PRKCZ: variants seen among roughly 807,000 people sequenced by gnomAD.
PRKCZ encodes the protein protein kinase C zeta.
PRKCZ carries 33 observed loss-of-function variants against 79.5 expected under a neutral mutation model. That is an observed-to-expected ratio of 0.41 (90% CI 0.31 to 0.55). The LOEUF is 0.55. Ranked by LOEUF, PRKCZ falls within the 20% of genes least tolerant of loss-of-function variation. The pLI, the probability that PRKCZ is intolerant of heterozygous loss-of-function variation, is 0.19. For missense variants in PRKCZ, 578 were observed against 813.5 expected (o/e 0.71, Z 3.52); for synonymous variants, 342 against 320.9 (o/e 1.07, Z -0.70).
intron 6 of PRKCZ, 115 bp from the exon 7 acceptor site, chr1:2,145,912 C>A (rs1678401563): frequency 1.2e-6 from 1 of 838,494 alleles, no homozygotes; most frequent in Admixed American, 2.2e-5. Flanking sequence ...GACTGTGACC[C>A]TGTCTGTAAA....
At chr1:2,084,499 A>C (rs1012972677) in intron 4 of PRKCZ, among the ~76,000 whole-genome samples, 1 of 152,184 alleles carries the variant, frequency 6.6e-6, no homozygotes, top group Non-Finnish European at 1.5e-5. Flanking sequence ...GGCAGAACAC[A>C]TGCGCGGCCG....
intron 4 of PRKCZ, among the ~76,000 whole-genome samples, chr1:2,087,143 C>T (rs1042794772): frequency 3.3e-5 from 5 of 151,970 alleles, no homozygotes; most frequent in African/African-American, 4.8e-5. Flanking sequence ...AGTGCAGTGG[C>T]GCGATCTCAG....
chr1:2,169,762 T>A (rs1388028446), intron 11 of PRKCZ, among the ~76,000 whole-genome samples, 158 bp downstream of exon 11: 6 of 43,846 alleles, frequency 1.4e-4, no homozygotes, highest in Non-Finnish European at 8.8e-5. Flanking sequence ...GGGAGGTGGC[T>A]GGGTGGGGTG....
chr1:2,181,504 G>A (rs770621595), intron 16 of PRKCZ, among the ~76,000 whole-genome samples: 4 of 152,212 alleles, frequency 2.6e-5, no homozygotes, highest in Admixed American at 2.0e-4. Context: ...TGGGTTGGGC[G>A]CAGGGGGCGG....
chr1:2,059,598 A>C lies in PRKCZ; in HGVS notation c.334+7A>C. ...CCATGTCCGGGAGAAGACAGTGAGT[A>C]CTGGGGTTTCCTACGCCGGTCTCGC... On this transcript the variant is annotated splice_region_variant and intron_variant, in intron 4 of 17. Coordinates refer to ENST00000378567, the MANE Select transcript of PRKCZ (RefSeq NM_002744.6). 2 of 1,614,084 alleles carry C rather than the reference A, an allele frequency of 1.2e-6. No homozygotes were observed. The highest frequency in any genetic ancestry group is 1.7e-6 in the Non-Finnish European group (2 of 1,179,910).
rs1673297297 is a variant in PRKCZ, at chr1:2,124,187, ACGGC to A, written c.335-11074_335-11071del. Among the ~76,000 whole-genome samples, 2 of 125,646 alleles carry A rather than the reference ACGGC, an allele frequency of 1.6e-5. 1 individual carries two copies. The highest frequency in any genetic ancestry group is 6.2e-5 in the African/African-American group (2 of 32,388). 82.4% of individuals were successfully genotyped at this position (125,646 alleles called of 152,430 possible). On this transcript the variant is annotated intron_variant, in intron 4 of 17. Transcript: ENST00000378567. Reference sequence around the variant, plus strand: ...TAGGGTCACGGCGGTGGTTAGGGTCACGGCTGTAGTTAGGGTCACGGCTGTAGTT... The same window carrying A: ...TAGGGTCACGGCGGTGGTTAGGGTCATGTAGTTAGGGTCACGGCTGTAGTT...
At chr1:2,144,628 C>T (rs1678116579) in intron 6 of PRKCZ, 1 of 1,232,774 alleles carries the variant, frequency 8.1e-7, no homozygotes, top group Non-Finnish European at 1.0e-6. Context: ...AGGTAAGGTT[C>T]ATTCATACCC....
intron 1 of PRKCZ, among the ~76,000 whole-genome samples, chr1:2,051,344 CG>C (rs1202275342): frequency 6.6e-6 from 1 of 152,200 alleles, no homozygotes; most frequent in Non-Finnish European, 1.5e-5. Context: ...GCCGCCGCCT[CG>C]GGGCAGCGCT....
chr1:2,097,825 T>G (rs1666783470), intron 4 of PRKCZ, among the ~76,000 whole-genome samples: 1 of 152,192 alleles, frequency 6.6e-6, no homozygotes, highest in Non-Finnish European at 1.5e-5. Flanking sequence ...CAATTTTACT[T>G]CTATAGAAGG....
chr1:2,132,066 C>T (rs376931552), intron 4 of PRKCZ, among the ~76,000 whole-genome samples: 59 of 152,358 alleles, frequency 3.9e-4, no homozygotes, highest in African/African-American at 1.2e-3. Context: ...CCGCCTCGGC[C>T]TCCCAAAGTG....
Position 2,079,070 on chromosome 1 carries a change from C to T in PRKCZ, c.334+19479C>T, listed in dbSNP as rs191692881. ...TGTTAGCCAGGATGGTCTCGATCTTCTGACCTTGTGATCCGCCCGCCTCGG... is the reference window on the plus strand; with the variant it reads ...TGTTAGCCAGGATGGTCTCGATCTTTTGACCTTGTGATCCGCCCGCCTCGG... On this transcript the variant is annotated intron_variant, in intron 4 of 17. Transcript: ENST00000378567. Among the ~76,000 whole-genome samples, 1,029 of 152,320 alleles carry T rather than the reference C, an allele frequency of 6.8e-3. 5 individuals carry two copies. Among genetic ancestry groups the T allele is most frequent in the Admixed American group, 0.011 (166 of 15,300 alleles).
rs145573157 is a variant in PRKCZ, at chr1:2,157,829, C to T, written c.974+1737C>T. Among the ~76,000 whole-genome samples the T allele has an allele frequency of 7.9e-5, 12 of 152,244 alleles. No individual in the cohort carries two copies. In the East Asian group the frequency reaches 2.3e-3, roughly 29 times the overall value. On this transcript the variant is annotated intron_variant, in intron 10 of 17. Coordinates refer to ENST00000378567, the MANE Select transcript of PRKCZ (RefSeq NM_002744.6). ...AAGTGCTGGGATTACAGGTGTCCAC[C>T]ACTCTGCCTGGCGGTCATGCAGAAG...
chr1:2,075,234 T>C lies in PRKCZ; in HGVS notation c.334+15643T>C, dbSNP rs1010703348. ...AGTTTCCTCGGTGCCTGGGACGGCT[T>C]GGCCTCTGCTTTCGTGTGAGCCCAC... is the stretch of plus-strand genomic sequence containing the variant. On this transcript the variant is annotated intron_variant, in intron 4 of 17. Transcript: ENST00000378567. This position sits in a 1 kb window ranked among gnomAD's most constrained non-coding sequence, Gnocchi z 4.8. 2 of 152,274 alleles carry C rather than the reference T, an allele frequency of 1.3e-5. No individual in the cohort carries two copies. Among genetic ancestry groups the C allele is most frequent in the Non-Finnish European group, 2.9e-5 (2 of 68,080 alleles). The allele number at this position is 152,274 out of a possible 1,614,324, so 9.4% of individuals were successfully genotyped here. A position where few individuals can be genotyped will look rare whatever the true frequency, so the allele number is the denominator to read the frequency against.
rs895995868 is a variant in PRKCZ at position 2,178,855 on chromosome 1, G to A, written c.1575+3542G>A. Among the ~76,000 whole-genome samples, 1 of 152,180 alleles carries A rather than the reference G, an allele frequency of 6.6e-6. No individual in the cohort carries two copies. The highest frequency in any genetic ancestry group is 6.5e-5 in the Admixed American group (1 of 15,282). ...GGAAGGCAGTGGGAGCAGCAGGAAT[G>A]GATGGTGAAAGGACACAGTGCCCGC... On this transcript the variant is annotated intron_variant, in intron 16 of 17. Transcript: ENST00000378567. This position sits in a 1 kb window ranked among gnomAD's most constrained non-coding sequence, Gnocchi z 4.3.
At chr1:2,054,276 G>C (rs1483405542) in intron 1 of PRKCZ, among the ~76,000 whole-genome samples, 1 of 152,166 alleles carries the variant, frequency 6.6e-6, no homozygotes, top group Non-Finnish European at 1.5e-5. Context: ...GCTCTTGTGG[G>C]TGTCAGAAAG....
chr1:2,089,267 C>A (rs1026400086), intron 4 of PRKCZ, among the ~76,000 whole-genome samples: 4 of 152,106 alleles, frequency 2.6e-5, no homozygotes, highest in African/African-American at 9.7e-5. Flanking sequence ...GTTTCTGGGG[C>A]CTGCATGGGT....
chr1:2,081,238 A>G (rs1663451327), intron 4 of PRKCZ, among the ~76,000 whole-genome samples: 1 of 152,186 alleles, frequency 6.6e-6, no homozygotes, highest in Admixed American at 6.5e-5. Context: ...TCAATTTCAT[A>G]CTTGGGTTAG....
rs369566892 is a variant in PRKCZ at position 2,145,918 on chromosome 1, GT to G, written c.553-108del. ...ATGATGACAGACTGTGACCCTGTCT[GT>G]AAAAAAAAGTTCTTAATTTTAAAAA... On this transcript the variant is annotated intron_variant, in intron 6 of 17. Coordinates refer to ENST00000378567, the MANE Select transcript of PRKCZ (RefSeq NM_002744.6). The G allele has an allele frequency of 2.2e-4, 201 of 927,310 alleles. No individual in the cohort carries two copies. In the East Asian group the frequency reaches 4.6e-3, roughly 21 times the overall value. 57.4% of individuals were successfully genotyped at this position (927,310 alleles called of 1,614,324 possible).
rs151306408 is a variant in PRKCZ, at chr1:2,144,640, A to G, written c.552+299A>G. ...CGGAGGTAAGGTTCATTCATACCCC[A>G]GTCTTGAACCAGCTCTTAAGGACTG... On this transcript the variant is annotated intron_variant, in intron 6 of 17. Coordinates refer to ENST00000378567, the MANE Select transcript of PRKCZ (RefSeq NM_002744.6). The G allele has an allele frequency of 7.0e-3, 8,395 of 1,204,490 alleles. 35 individuals are homozygous for G. The highest frequency in any genetic ancestry group is 7.6e-3 in the Non-Finnish European group (7,218 of 954,746). The allele number at this position is 1,204,490 out of a possible 1,614,324, so 74.6% of individuals were successfully genotyped here.
Sources: allele counts gnomAD v4.1 joint callset (sites outside exome capture counted in the v4.1 genomes callset), GRCh38; gene constraint gnomAD v4.1.1; non-coding constraint Gnocchi (gnomAD v3.1); transcripts MANE v1.5; gene names NCBI Gene and HGNC (gene_info 2026-07-23, HGNC 2026-07-21).